The following NUP210L variants were observed in gnomAD, a reference collection of about 807,000 sequenced individuals.
The protein encoded by NUP210L is nucleoporin 210 like.
In NUP210L, 74 loss-of-function variants were observed where a neutral mutation model predicts 208.5. That is an observed-to-expected ratio of 0.35 (90% confidence interval 0.29 to 0.43). NUP210L has a LOEUF of 0.43. Among genes scored for constraint, NUP210L ranks in the 20% least tolerant of loss-of-function variants. NUP210L has a pLI of 1.00. For synonymous variants in NUP210L, 780 were observed against 816.9 expected, an observed-to-expected ratio of 0.95 and a Z score of 0.77; for missense variants, 1,843 against 2,289.4, an observed-to-expected ratio of 0.81 and a Z score of 3.98.
chr1:154,010,371 G>T (rs1650837735), intron 34 of NUP210L, among the ~76,000 whole-genome samples: 1 of 151,994 alleles, frequency 6.6e-6, no homozygotes, highest in African/African-American at 2.4e-5. Flanking sequence ...TTTTTTCAAA[G>T]ATTTTTTTTG....
chr1:154,060,430 G>C, intron 20 of NUP210L, 110 bp downstream of exon 20: 1 of 691,532 alleles, frequency 1.4e-6, no homozygotes, highest in Non-Finnish European at 2.5e-6. Context: ...AGAAAGAAAG[G>C]AAAATGTTAC....
chr1:154,150,174 A>G (rs1659312616), intron 2 of NUP210L, among the ~76,000 whole-genome samples: 1 of 152,060 alleles, frequency 6.6e-6, no homozygotes, highest in African/African-American at 2.4e-5. Flanking sequence ...TGGGAGTTCG[A>G]GATGAGCCTG....
At chr1:154,034,215 T>C (rs1652407269) in intron 27 of NUP210L, among the ~76,000 whole-genome samples, 1 of 152,202 alleles carries the variant, frequency 6.6e-6, no homozygotes, top group African/African-American at 2.4e-5. Context: ...TTAGTTGTAC[T>C]CTCTCCTCCT....
intron 27 of NUP210L, among the ~76,000 whole-genome samples, chr1:154,035,772 C>T (rs932843516): frequency 4.8e-5 from 7 of 145,548 alleles, no homozygotes; most frequent in Non-Finnish European, 7.6e-5. Context: ...CTTACTTTGT[C>T]ACCCAGGCTG....
At chr1:154,060,442 T>C (rs1654075295) in intron 20 of NUP210L, 98 bp downstream of exon 20, 1 of 727,604 alleles carries the variant, frequency 1.4e-6, no homozygotes, top group Admixed American at 2.6e-5. Flanking sequence ...AAATGTTACT[T>C]CTGTAACAAG....
chr1:154,023,037 G>T, intron 31 of NUP210L, 85 bp downstream of exon 31: 2 of 1,318,288 alleles, frequency 1.5e-6, no homozygotes, highest in African/African-American at 1.5e-5. Flanking sequence ...AATGTGAGAG[G>T]AATTTACTGG....
At chr1:154,058,786 A>G (rs1653999809) in intron 20 of NUP210L, 93 bp from the exon 21 acceptor site, 2 of 1,329,876 alleles carry the variant, frequency 1.5e-6, no homozygotes, top group Admixed American at 4.4e-5. Context: ...AATAGAAAAC[A>G]TCTTGCTTTC....
intron 16 of NUP210L, among the ~76,000 whole-genome samples, chr1:154,088,092 C>CT (rs1212660436): frequency 1.3e-5 from 2 of 152,186 alleles, no homozygotes; most frequent in African/African-American, 2.4e-5. Flanking sequence ...AATCCCAGCA[C>CT]TTTGTGAGAC....
chr1:154,115,292 G>A (rs1427765282), intron 12 of NUP210L, among the ~76,000 whole-genome samples: 1 of 152,190 alleles, frequency 6.6e-6, no homozygotes, highest in East Asian at 1.9e-4. Flanking sequence ...AAAGCTTTCT[G>A]TAAAGAGCTA....
intron 16 of NUP210L, among the ~76,000 whole-genome samples, chr1:154,081,354 G>C (rs909995334): frequency 1.3e-5 from 2 of 152,128 alleles, no homozygotes; most frequent in African/African-American, 4.8e-5. Context: ...ATTTTATAAT[G>C]ATAAAATAAT....
chr1:154,108,956 TG>T (rs1331726099), intron 12 of NUP210L, among the ~76,000 whole-genome samples: 1 of 151,490 alleles, frequency 6.6e-6, no homozygotes, highest in African/African-American at 2.4e-5. Context: ...TAAAATTAGC[TG>T]GGCGTAGTAG....
intron 16 of NUP210L, among the ~76,000 whole-genome samples, chr1:154,080,767 T>C (rs546088731): frequency 1.3e-5 from 2 of 150,140 alleles, no homozygotes; most frequent in East Asian, 3.9e-4. Context: ...AAGTCAGGAG[T>C]TTGAGACCAG....
At chr1:153,999,372 G>T (rs1217249613) in intron 37 of NUP210L, among the ~76,000 whole-genome samples, 1 of 152,148 alleles carries the variant, frequency 6.6e-6, no homozygotes, top group Non-Finnish European at 1.5e-5. Flanking sequence ...CTAAGTCTTG[G>T]TTCTAGGGTT....
intron 14 of NUP210L, among the ~76,000 whole-genome samples, 192 bp downstream of exon 14, chr1:154,099,806 T>C (rs1364862944): frequency 1.3e-5 from 2 of 152,200 alleles, no homozygotes; most frequent in African/African-American, 4.8e-5. Flanking sequence ...GACAGAAGCA[T>C]GAGGGAGTAA....
intron 35 of NUP210L, among the ~76,000 whole-genome samples, chr1:154,007,959 C>T (rs1365137461): frequency 1.3e-5 from 2 of 151,534 alleles, no homozygotes. Context: ...GTAACCTCTG[C>T]CTCCTGGATT....
chr1:154,134,252 T>C (rs981542924), intron 7 of NUP210L, among the ~76,000 whole-genome samples: 1 of 151,834 alleles, frequency 6.6e-6, no homozygotes, highest in African/African-American at 2.4e-5. Context: ...GTTGAGCATA[T>C]AGTAGAAATA....
intron 23 of NUP210L, among the ~76,000 whole-genome samples, chr1:154,055,920 G>T (rs931543089): frequency 6.6e-6 from 1 of 151,984 alleles, no homozygotes; most frequent in Non-Finnish European, 1.5e-5. Flanking sequence ...CTGGGCTGGC[G>T]CAGTGTCTCA....
intron 27 of NUP210L, among the ~76,000 whole-genome samples, chr1:154,036,721 A>G (rs1652577566): frequency 6.6e-6 from 1 of 151,980 alleles, no homozygotes; most frequent in Admixed American, 6.6e-5. Context: ...GCTGGAGTGC[A>G]GGGGCACCAT....
chr1:154,055,085 C>T (rs527846425), intron 23 of NUP210L, among the ~76,000 whole-genome samples: 5 of 149,586 alleles, frequency 3.3e-5, no homozygotes, highest in African/African-American at 1.2e-4. Context: ...CTTTCCTTTC[C>T]TTCCTTTCCT....
Sources: gnomAD v4.1 joint callset for allele counts (sites outside exome capture counted in the v4.1 genomes callset) on GRCh38, gnomAD v4.1.1 for gene constraint, MANE v1.5 for transcripts, NCBI Gene and HGNC (gene_info 2026-07-23, HGNC 2026-07-21) for gene names.